Variants in EXOC4 observed in about 807,000 individuals in gnomAD.
The protein encoded by EXOC4 is exocyst complex component 4.
In EXOC4, 71 loss-of-function variants were observed where a neutral mutation model predicts 107.2. The observed-to-expected ratio is 0.66, with a 90% CI of 0.55 to 0.81. The LOEUF (loss-of-function observed/expected upper bound fraction) is 0.81, where lower values mean the gene tolerates loss of function less well. Among genes scored for constraint, EXOC4 ranks in the 30% least tolerant of loss-of-function variants. The pLI, the probability that EXOC4 is intolerant of heterozygous loss-of-function variation, is 0.00. For missense variants in EXOC4, 1,108 were observed against 1,189.6 expected (o/e 0.93, Z 1.01); for synonymous variants, 456 against 441.2 (o/e 1.03, Z -0.42).
chr7:133,571,312 A>G (rs1801018877), intron 9 of EXOC4, among the ~76,000 whole-genome samples: 1 of 152,206 alleles, frequency 6.6e-6, no homozygotes, highest in Admixed American at 6.5e-5. Context: ...ACTAATAAAA[A>G]TGAAGAAACG....
At position 133,721,422 on chromosome 7, in the gene EXOC4, G is replaced by A. The variant is rs972614143; in HGVS notation, c.1514+91281G>A. ...GATTCTCATAATTTGAAACCAGGGT[G>A]GTGTGTCAGAAAAACGATACGTTTG... On this transcript the variant is annotated intron_variant, in intron 10 of 17. Coordinates refer to ENST00000253861, the MANE Select transcript of EXOC4 (RefSeq NM_021807.4). 5.1e-4 allele frequency among the ~76,000 whole-genome samples: 77 copies of A among 152,216 alleles called. 1 individual carries two copies. Among genetic ancestry groups the A allele is most frequent in the African/African-American group, 1.8e-3 (76 of 41,522 alleles).
intron 9 of EXOC4, among the ~76,000 whole-genome samples, chr7:133,514,900 A>G (rs1219421961): frequency 1.3e-5 from 2 of 152,152 alleles, no homozygotes; most frequent in Non-Finnish European, 2.9e-5. Context: ...ATTTCATATA[A>G]GGGCATTTTA....
Position 134,064,623 on chromosome 7 carries a change from T to TCC in EXOC4, c.*95_*96insCC. The TCC allele has an allele frequency of 1.2e-6, 1 of 814,560 alleles. No individual in the cohort carries two copies. Among genetic ancestry groups the TCC allele is most frequent in the Non-Finnish European group, 1.9e-6 (1 of 529,038 alleles). The allele number at this position is 814,560 out of a possible 1,614,324, so 50.5% of individuals were successfully genotyped here. Reference sequence around the variant, plus strand: ...AGTATATTCTGAGCTTAGTTTTCTCTACAGTGATACTTTAGTGGAGAGGAG... The same window carrying TCC: ...AGTATATTCTGAGCTTAGTTTTCTCTCCACAGTGATACTTTAGTGGAGAGGAG... On this transcript the variant is annotated 3_prime_UTR_variant, in exon 18 of 18. Transcript: ENST00000253861.
At chr7:133,909,943 T>TTTTAG (rs1799653136) in intron 12 of EXOC4, among the ~76,000 whole-genome samples, 1 of 107,996 alleles carries the variant, frequency 9.3e-6, no homozygotes, top group African/African-American at 3.9e-5. Flanking sequence ...TTTTTTTTTT[T>TTTTAG]GAGGAGTTTT....
intron 9 of EXOC4, among the ~76,000 whole-genome samples, chr7:133,526,614 G>A (rs944983611): frequency 3.3e-5 from 5 of 152,138 alleles, no homozygotes; most frequent in African/African-American, 1.2e-4. Flanking sequence ...CATGTCCCTG[G>A]GCCCAGTAGA....
chr7:133,263,788 C>A (rs1239200352), intron 1 of EXOC4, among the ~76,000 whole-genome samples: 1 of 152,156 alleles, frequency 6.6e-6, no homozygotes, highest in East Asian at 1.9e-4. Context: ...TGGTGGGAAA[C>A]AGGTTGATTG....
chr7:133,941,417 G>A (rs1190698538), intron 14 of EXOC4, among the ~76,000 whole-genome samples: 2 of 152,148 alleles, frequency 1.3e-5, no homozygotes, highest in Non-Finnish European at 2.9e-5. Context: ...CTACATTTTA[G>A]TTGCAGAGCA....
intron 10 of EXOC4, among the ~76,000 whole-genome samples, chr7:133,793,924 C>T (rs1392489999): frequency 6.6e-6 from 1 of 152,154 alleles, no homozygotes; most frequent in Non-Finnish European, 1.5e-5. Flanking sequence ...TATCAGGTAC[C>T]TCACATAACT....
At chr7:133,579,418 T>G (rs1372148905) in intron 9 of EXOC4, among the ~76,000 whole-genome samples, 1 of 152,214 alleles carries the variant, frequency 6.6e-6, no homozygotes, top group Non-Finnish European at 1.5e-5. Context: ...TGAAATACTC[T>G]AATGTTTTTA....
intron 11 of EXOC4, among the ~76,000 whole-genome samples, chr7:133,844,801 G>C (rs1287094653): frequency 6.6e-6 from 1 of 151,876 alleles, no homozygotes; most frequent in Non-Finnish European, 1.5e-5. Flanking sequence ...ACTCAACTCA[G>C]GTGTTTGTAA....
intron 9 of EXOC4, among the ~76,000 whole-genome samples, chr7:133,536,004 T>C (rs1800263214): frequency 6.6e-6 from 1 of 152,218 alleles, no homozygotes; most frequent in South Asian, 2.1e-4. Flanking sequence ...TTAGTAGTTT[T>C]TGTTCAGAAA....
intron 14 of EXOC4, among the ~76,000 whole-genome samples, chr7:133,968,843 T>G (rs1801133495): frequency 6.6e-6 from 1 of 152,162 alleles, no homozygotes; most frequent in Admixed American, 6.5e-5. Flanking sequence ...TCGAGGAGTA[T>G]CTTTGTGGTG....
chr7:133,790,755 C>G (rs1037250674), intron 10 of EXOC4, among the ~76,000 whole-genome samples: 8 of 152,224 alleles, frequency 5.3e-5, no homozygotes, highest in Non-Finnish European at 1.2e-4. Flanking sequence ...TTGAGATTTG[C>G]AGGTAGAGTT....
chr7:133,847,263 TG>T (rs1585194680), intron 11 of EXOC4, among the ~76,000 whole-genome samples: 2 of 152,328 alleles, frequency 1.3e-5, no homozygotes, highest in East Asian at 3.9e-4. Flanking sequence ...AAATAAGATG[TG>T]TTCACTATGA....
At chr7:133,942,513 A>G (rs2116750634) in intron 14 of EXOC4, among the ~76,000 whole-genome samples, 1 of 152,242 alleles carries the variant, frequency 6.6e-6, no homozygotes, top group East Asian at 1.9e-4. Context: ...CTTATTTCTT[A>G]CAGGTAAATT....
intron 16 of EXOC4, 37 bp downstream of exon 16, chr7:134,005,127 A>G: frequency 4.4e-6 from 7 of 1,576,342 alleles, no homozygotes; most frequent in Non-Finnish European, 6.0e-6. Context: ...GTTTGGGAGG[A>G]AGAAAGGATG....
intron 9 of EXOC4, among the ~76,000 whole-genome samples, chr7:133,596,310 T>G (rs1376879753): frequency 6.6e-6 from 1 of 152,176 alleles, no homozygotes; most frequent in Non-Finnish European, 1.5e-5. Context: ...GCTGCCTCAT[T>G]TTGGAGAAAA....
At chr7:133,411,375 T>G (rs770577117) in intron 7 of EXOC4, among the ~76,000 whole-genome samples, 2 of 152,170 alleles carry the variant, frequency 1.3e-5, no homozygotes, top group Non-Finnish European at 2.9e-5. Context: ...CTGTAGATCA[T>G]AGATCCTCAT....
chr7:133,480,854 G>C lies in EXOC4; in HGVS notation c.1417+716G>C, dbSNP rs1584950058. The C allele has an allele frequency of 2.0e-5, 3 of 152,022 alleles. No individual in the cohort carries two copies. In the East Asian group the frequency reaches 5.8e-4, roughly 30 times the overall value. 9.4% of individuals were successfully genotyped at this position (152,022 alleles called of 1,614,324 possible). A position where few individuals can be genotyped will look rare whatever the true frequency, so the allele number is the denominator to read the frequency against. ...AGATCACTTGAGTCCAGGAGTTCAA[G>C]ACCAGCCTGGGCGACATGGCGAAGC... On this transcript the variant is annotated intron_variant, in intron 9 of 17. Transcript: ENST00000253861.
Sources: gnomAD v4.1 joint callset for allele counts (sites outside exome capture counted in the v4.1 genomes callset) on GRCh38, gnomAD v4.1.1 for gene constraint, MANE v1.5 for transcripts, NCBI Gene and HGNC (gene_info 2026-07-23, HGNC 2026-07-21) for gene names.